PITPNC1: variants seen among roughly 807,000 people sequenced by gnomAD.
PITPNC1 encodes the protein cytoplasmic phosphatidylinositol transfer protein 1.
PITPNC1 carries 18 observed loss-of-function variants against 44.7 expected under a neutral mutation model. That is an observed-to-expected ratio of 0.40 (90% CI 0.28 to 0.60). The LOEUF is 0.60. PITPNC1 is among the 20% of genes least tolerant of loss of function. The pLI is 0.39. For missense variants in PITPNC1, 290 were observed against 418.4 expected, an observed-to-expected ratio of 0.69 and a Z score of 2.68; for synonymous variants, 141 against 149.6, an observed-to-expected ratio of 0.94 and a Z score of 0.42.
intron 1 of PITPNC1, among the ~76,000 whole-genome samples, chr17:67,455,722 G>A (rs1045014233): frequency 1.3e-5 from 2 of 151,988 alleles, no homozygotes; most frequent in South Asian, 2.1e-4. Context: ...GATTACAGAC[G>A]TGAGCCACCG....
rs192865797 is a variant in PITPNC1, at chr17:67,409,542, T to G, written c.48+31340T>G. 1.3e-4 allele frequency among the ~76,000 whole-genome samples: 20 copies of G among 152,288 alleles called. 1 individual carries two copies. The highest frequency in any genetic ancestry group is 6.8e-3 in the Middle Eastern group (2 of 294). On this transcript the variant is annotated intron_variant, in intron 1 of 8. Coordinates refer to ENST00000581322, the MANE Select transcript of PITPNC1 (RefSeq NM_012417.4). ...ACTACAAATCATTTCTTTTTTTTTTTTGGTGGTGGTGGCGGGGCGGAGTTT... is the reference window on the plus strand; with the variant it reads ...ACTACAAATCATTTCTTTTTTTTTTGTGGTGGTGGTGGCGGGGCGGAGTTT...
chr17:67,508,566 G>A lies in PITPNC1; in HGVS notation c.49-24236G>A, dbSNP rs530776945. Among the ~76,000 whole-genome samples the A allele has an allele frequency of 1.3e-5, 2 of 152,274 alleles. No individual in the cohort carries two copies. The highest frequency in any genetic ancestry group is 3.9e-4 in the East Asian group (2 of 5,178). On this transcript the variant is annotated intron_variant, in intron 1 of 8. Transcript: ENST00000581322. This position sits in a 1 kb window ranked among gnomAD's most constrained non-coding sequence, Gnocchi z 4.2. Reference sequence around the variant, plus strand: ...GACCTGTATCTCACGCCGACCTTCTGTCTCATCCTGTGACTTAGAATGCCT... The same window carrying A: ...GACCTGTATCTCACGCCGACCTTCTATCTCATCCTGTGACTTAGAATGCCT...
At chr17:67,653,101 G>T (rs994375038) in intron 6 of PITPNC1, among the ~76,000 whole-genome samples, 6 of 152,124 alleles carry the variant, frequency 3.9e-5, no homozygotes, top group Middle Eastern at 3.2e-3. Flanking sequence ...GGCCAACATG[G>T]TGAAACCCCA....
chr17:67,584,800 G>A lies in PITPNC1; in HGVS notation c.366+6543G>A, dbSNP rs149360528. The stretch of plus-strand genomic sequence containing the variant: ...TGTCCCAGGCATTAGGAGAAGGATC[G>A]GGGATACAGCATTAAGACAAACCAG... On this transcript the variant is annotated intron_variant, in intron 5 of 8. Coordinates refer to ENST00000581322, the MANE Select transcript of PITPNC1 (RefSeq NM_012417.4). Among the ~76,000 whole-genome samples, 7 of 152,246 alleles carry A rather than the reference G, an allele frequency of 4.6e-5. No individual in the cohort carries two copies. In the East Asian group the frequency reaches 7.7e-4, roughly 17 times the overall value.
intron 2 of PITPNC1, among the ~76,000 whole-genome samples, chr17:67,533,981 G>A (rs1043056526): frequency 3.3e-5 from 5 of 151,406 alleles, no homozygotes; most frequent in Non-Finnish European, 5.9e-5. Flanking sequence ...TGCAACCTCC[G>A]CCTCCTGGGT....
At chr17:67,467,211 A>AT (rs1159341957) in intron 1 of PITPNC1, among the ~76,000 whole-genome samples, 25 of 150,696 alleles carry the variant, frequency 1.7e-4, no homozygotes, top group African/African-American at 4.9e-4. Context: ...ATTCTTGGCT[A>AT]TTTTTTGTGT....
chr17:67,410,433 C>T lies in PITPNC1; in HGVS notation c.48+32231C>T, dbSNP rs111517202. On this transcript the variant is annotated intron_variant, in intron 1 of 8. Coordinates refer to ENST00000581322, the MANE Select transcript of PITPNC1 (RefSeq NM_012417.4). ...TCACTCTGTCACCCAGGCGGGAGTGCGGTGCAGTGGCGCAATCACAGCTCA... is the reference window on the plus strand; with the variant it reads ...TCACTCTGTCACCCAGGCGGGAGTGTGGTGCAGTGGCGCAATCACAGCTCA... 4.0e-3 allele frequency among the ~76,000 whole-genome samples: 610 copies of T among 152,202 alleles called. 3 individuals carry two copies. The highest frequency in any genetic ancestry group is 6.3e-3 in the Non-Finnish European group (427 of 68,006).
At chr17:67,449,027 A>C (rs1238903433) in intron 1 of PITPNC1, among the ~76,000 whole-genome samples, 1 of 152,192 alleles carries the variant, frequency 6.6e-6, no homozygotes, top group Non-Finnish European at 1.5e-5. Context: ...TCGGCCTCCC[A>C]AAATGCTGGG....
intron 5 of PITPNC1, among the ~76,000 whole-genome samples, chr17:67,584,155 T>C (rs2570054): frequency 0.47 from 70,594 of 151,788 alleles, 16,696 homozygotes; most frequent in South Asian, 0.63. Flanking sequence ...AAACAAATGT[T>C]TTCACTCCTT....
At chr17:67,393,073 T>C (rs1465662467) in intron 1 of PITPNC1, among the ~76,000 whole-genome samples, 1 of 149,454 alleles carries the variant, frequency 6.7e-6, no homozygotes, top group South Asian at 2.1e-4. Context: ...GAGGTTGTGG[T>C]GAGTCAAGAT....
At chr17:67,548,591 A>G (rs1225027643) in intron 2 of PITPNC1, among the ~76,000 whole-genome samples, 1 of 152,142 alleles carries the variant, frequency 6.6e-6, no homozygotes. Context: ...CCTCTGTCTC[A>G]AATAAATAAA....
intron 1 of PITPNC1, among the ~76,000 whole-genome samples, chr17:67,387,614 T>G (rs2038074263): frequency 6.6e-6 from 1 of 152,174 alleles, no homozygotes; most frequent in African/African-American, 2.4e-5. Context: ...TGCAGTGAGC[T>G]GAGATCGAGG....
chr17:67,433,910 C>CATA (rs368751732), intron 1 of PITPNC1, among the ~76,000 whole-genome samples: 2,939 of 151,182 alleles, frequency 0.019, 45 homozygotes, highest in African/African-American at 0.032. Flanking sequence ...TCCTCCTCCC[C>CATA]ATAATAATAA....
intron 5 of PITPNC1, chr17:67,611,304 G>A (rs2041684445): frequency 1.3e-5 from 2 of 152,136 alleles, no homozygotes; most frequent in Admixed American, 1.3e-4. Flanking sequence ...AGAATCCTTG[G>A]GATGCTACTA....
At chr17:67,509,106 C>CG (rs1359284474) in intron 1 of PITPNC1, among the ~76,000 whole-genome samples, 1 of 151,508 alleles carries the variant, frequency 6.6e-6, no homozygotes, top group Non-Finnish European at 1.5e-5. Flanking sequence ...TGGTGGTGCA[C>CG]GCCTGTAATC....
Position 67,429,041 on chromosome 17 carries a change from A to G in PITPNC1, c.48+50839A>G, listed in dbSNP as rs1157821189. Among the ~76,000 whole-genome samples the G allele has an allele frequency of 3.3e-5, 5 of 151,146 alleles. No homozygotes were observed. The East Asian group carries it at 9.8e-4, about 30-fold the overall frequency. ...TTTTTAGTAGAGACGGGGTTTCTCC[A>G]TGTTGGTCAGGCTGGTCTCGAACTC... On this transcript the variant is annotated intron_variant, in intron 1 of 8. Transcript: ENST00000581322.
At chr17:67,547,669 T>C (rs1401993290) in intron 2 of PITPNC1, among the ~76,000 whole-genome samples, 2 of 152,112 alleles carry the variant, frequency 1.3e-5, no homozygotes, top group African/African-American at 2.4e-5. Context: ...TACATTGCAA[T>C]GTGAGATCAG....
intron 2 of PITPNC1, among the ~76,000 whole-genome samples, chr17:67,537,231 A>G (rs1028548435): frequency 6.6e-6 from 1 of 152,206 alleles, no homozygotes; most frequent in African/African-American, 2.4e-5. Flanking sequence ...TAGCCAATGC[A>G]ATAAAACAAG....
chr17:67,448,462 C>T (rs1218080207), intron 1 of PITPNC1, among the ~76,000 whole-genome samples: 1 of 152,148 alleles, frequency 6.6e-6, no homozygotes, highest in Admixed American at 6.6e-5. Context: ...GACTTCTTCG[C>T]TGGCATGTAG....
Sources: allele counts gnomAD v4.1 joint callset (sites outside exome capture counted in the v4.1 genomes callset), GRCh38; gene constraint gnomAD v4.1.1; non-coding constraint Gnocchi (gnomAD v3.1); transcripts MANE v1.5; gene names NCBI Gene and HGNC (gene_info 2026-07-23, HGNC 2026-07-21).